The following SEC24D variants were observed in gnomAD, a reference collection of about 807,000 sequenced individuals.
The protein encoded by SEC24D is protein transport protein Sec24D.
Under a neutral mutation model 116.9 loss-of-function variants are expected in SEC24D, and 69 were observed. That is an observed-to-expected ratio of 0.59 (90% confidence interval 0.49 to 0.72). SEC24D has a LOEUF of 0.72. SEC24D is among the 30% of genes least tolerant of loss of function. The pLI is 0.00. For synonymous variants in SEC24D, 405 were observed against 442.8 expected, an observed-to-expected ratio of 0.91 and a Z score of 1.07; for missense variants, 1,131 against 1,264.1, an observed-to-expected ratio of 0.89 and a Z score of 1.60.
chr4:118,751,856 T>C, intron 13 of SEC24D, 140 bp downstream of exon 13: 1 of 653,098 alleles, frequency 1.5e-6, no homozygotes, highest in Non-Finnish European at 2.7e-6. Context: ...TCCTGAGATC[T>C]GAGTGGAAGT....
At chr4:118,784,925 G>A (rs1167286656) in intron 8 of SEC24D, among the ~76,000 whole-genome samples, 1 of 152,046 alleles carries the variant, frequency 6.6e-6, no homozygotes, top group Non-Finnish European at 1.5e-5. Context: ...AGTCAGTGCA[G>A]CTGTTTTTAT....
At chr4:118,725,885 A>T (rs182042242) in intron 22 of SEC24D, among the ~76,000 whole-genome samples, 2 of 152,302 alleles carry the variant, frequency 1.3e-5, no homozygotes, top group Non-Finnish European at 2.9e-5. Flanking sequence ...CGTCTCTTCA[A>T]GGGGCACACC....
intron 14 of SEC24D, 120 bp downstream of exon 14, chr4:118,744,824 A>G: frequency 1.6e-6 from 1 of 613,842 alleles, no homozygotes; most frequent in Non-Finnish European, 2.9e-6. Flanking sequence ...GTAATATGCA[A>G]TGCCCTGGAC....
intron 15 of SEC24D, among the ~76,000 whole-genome samples, chr4:118,742,987 G>A (rs750601820): frequency 7.2e-5 from 11 of 152,054 alleles, no homozygotes; most frequent in South Asian, 6.2e-4. Context: ...AACTCAGATC[G>A]TGCCCACTCT....
Position 118,824,734 on chromosome 4 carries a change from G to C in SEC24D, c.134C>G (p.Ala45Gly). 1 of 1,598,486 alleles carries C rather than the reference G, an allele frequency of 6.3e-7. No homozygotes were observed. The highest frequency in any genetic ancestry group is 1.8e-5 in the Admixed American group (1 of 55,660). Residue 45 changes from alanine to glycine, a missense_variant, in exon 3 of 23, where the codon GCA (alanine) becomes GGA (glycine). Transcript: ENST00000280551. ...AGTGGCGGTGGCCCCCAAAGGCCCT[G>C]CTGGCTTCATCATACCTGCAAGAGA... ...TASPTGMMKP[A>G]GPLGATATRG...
At chr4:118,833,353 G>A (rs1294928508) in intron 2 of SEC24D, 1 of 379,192 alleles carries the variant, frequency 2.6e-6, no homozygotes. Flanking sequence ...AACAGGAAGT[G>A]TTTGTTTTAG....
intron 8 of SEC24D, among the ~76,000 whole-genome samples, chr4:118,796,796 T>C (rs1216978482): frequency 6.6e-6 from 1 of 152,214 alleles, no homozygotes; most frequent in Non-Finnish European, 1.5e-5. Context: ...TAGGTGTACA[T>C]TACATCAGCC....
At chr4:118,797,951 A>T (rs1729254395) in intron 7 of SEC24D, 141 bp from the exon 8 acceptor site, 2 of 651,036 alleles carry the variant, frequency 3.1e-6, no homozygotes, top group East Asian at 5.8e-5. Context: ...TTTGTTTTTT[A>T]AAAAAGTAGT....
rs551987594 is a variant in SEC24D at position 118,782,440 on chromosome 4, C to T, written c.1042-14129G>A. Among the ~76,000 whole-genome samples, 16 of 152,332 alleles carry T rather than the reference C, an allele frequency of 1.1e-4. 1 individual carries two copies. Among genetic ancestry groups the T allele is most frequent in the African/African-American group, 3.4e-4 (14 of 41,582 alleles). On this transcript the variant is annotated intron_variant, in intron 8 of 22. Transcript: ENST00000280551. Reference sequence around the variant, plus strand: ...CTCCAGAACAGCAAATATTGCAGAACAGCAAATATTGCTGCCTGATCCTTC... The same window carrying T: ...CTCCAGAACAGCAAATATTGCAGAATAGCAAATATTGCTGCCTGATCCTTC...
intron 19 of SEC24D, 167 bp from the exon 20 acceptor site, chr4:118,733,079 T>C: frequency 1.7e-6 from 1 of 589,132 alleles, no homozygotes; most frequent in South Asian, 2.1e-5. Context: ...TGGCACAGAG[T>C]AGGCATTCAA....
chr4:118,752,188 T>C (rs1434018256), intron 12 of SEC24D, 99 bp from the exon 13 acceptor site: 3 of 769,932 alleles, frequency 3.9e-6, no homozygotes, highest in Non-Finnish European at 6.5e-6. Context: ...ACACATATGG[T>C]ATTTATTTGA....
intron 8 of SEC24D, among the ~76,000 whole-genome samples, chr4:118,784,849 G>A (rs1728600492): frequency 6.6e-6 from 1 of 150,804 alleles, no homozygotes; most frequent in African/African-American, 2.4e-5. Flanking sequence ...GAATAATAGT[G>A]AAACCTAAGC....
intron 8 of SEC24D, among the ~76,000 whole-genome samples, chr4:118,796,453 G>A (rs372435485): frequency 2.6e-5 from 4 of 152,150 alleles, no homozygotes; most frequent in African/African-American, 7.2e-5. Flanking sequence ...CATACCACAC[G>A]TAAGTTTGGC....
At chr4:118,814,262 T>C (rs1011922370) in intron 6 of SEC24D, among the ~76,000 whole-genome samples, 1 of 152,208 alleles carries the variant, frequency 6.6e-6, no homozygotes, top group Non-Finnish European at 1.5e-5. Flanking sequence ...ATGCCACACA[T>C]GAGTGGAAGC....
At chr4:118,728,838 AG>A (rs761682677) in intron 21 of SEC24D, 188 bp from the exon 22 acceptor site, 52 of 510,630 alleles carry the variant, frequency 1.0e-4, no homozygotes, top group Admixed American at 3.0e-4. Context: ...CATAATTGAC[AG>A]AAGACAATTA....
At chr4:118,801,251 G>C (rs1729431123) in intron 7 of SEC24D, among the ~76,000 whole-genome samples, 1 of 147,168 alleles carries the variant, frequency 6.8e-6, no homozygotes, top group South Asian at 2.1e-4. Flanking sequence ...GACAGAGCAA[G>C]ACTCCATCTC....
In SEC24D at chr4:118,744,093, G is replaced by A; in HGVS notation, c.1890C>T (p.Cys630=). 6.2e-7 allele frequency: 1 copy of A among 1,613,350 alleles called. No individual in the cohort carries two copies. Among genetic ancestry groups the A allele is most frequent in the Non-Finnish European group, 8.5e-7 (1 of 1,179,598 alleles). The change falls in exon 15 of 23, where the codon TGC becomes TGT. Residue 630 remains cysteine, a synonymous_variant. Coordinates refer to ENST00000280551, the MANE Select transcript of SEC24D (RefSeq NM_014822.4). ...SLAKDCVAHG[C]SVTLFLFPSQ... ...TAGGAAAGAGGAAGAGTGTCACAGA[G>A]CAGCCGTGAGCCACGCAGTCCTTGG...
chr4:118,784,832 G>C (rs929598659), intron 8 of SEC24D, among the ~76,000 whole-genome samples: 4 of 151,130 alleles, frequency 2.6e-5, no homozygotes, highest in African/African-American at 4.9e-5. Context: ...ACACTGGAGT[G>C]GGGGGAGAAT....
intron 10 of SEC24D, 28 bp from the exon 11 acceptor site, chr4:118,757,873 A>G (rs756402272): frequency 3.0e-5 from 47 of 1,574,250 alleles, no homozygotes; most frequent in Admixed American, 1.2e-4. Flanking sequence ...CATCACATAA[A>G]TAAAGTAAAT....
Sources: gnomAD v4.1 joint callset for allele counts (sites outside exome capture counted in the v4.1 genomes callset) on GRCh38, gnomAD v4.1.1 for gene constraint, MANE v1.5 for transcripts, NCBI Gene and HGNC (gene_info 2026-07-23, HGNC 2026-07-21) for gene names.